NAA15: variants seen among roughly 807,000 people sequenced by gnomAD.
NAA15 encodes the protein N-terminal acetyltransferase.
NAA15 carries 34 observed loss-of-function variants against 114.0 expected under a neutral mutation model. The ratio of observed to expected loss-of-function variants is 0.30; its 90% CI spans 0.23 to 0.40. NAA15 has a LOEUF of 0.40. Ranked by LOEUF, NAA15 falls within the 10% of genes least tolerant of loss-of-function variation. The pLI is 1.00. For synonymous variants in NAA15, 340 were observed against 338.0 expected, an observed-to-expected ratio of 1.01 and a Z score of -0.06; for missense variants, 658 against 1,004.5, an observed-to-expected ratio of 0.66 and a Z score of 4.66.
chr4:139,388,400 A>C lies in NAA15; in HGVS notation c.*316A>C. 1 of 198,886 alleles carries C rather than the reference A, an allele frequency of 5.0e-6. No homozygotes were observed. The highest frequency in any genetic ancestry group is 1.0e-5 in the Non-Finnish European group (1 of 97,034). The allele number at this position is 198,886 out of a possible 1,614,324, so 12.3% of individuals were successfully genotyped here. On this transcript the variant is annotated 3_prime_UTR_variant, in exon 20 of 20. Coordinates refer to ENST00000296543, the MANE Select transcript of NAA15 (RefSeq NM_057175.5). ...ATAAAATCTGGAGGCTGTTACAGCT[A>C]ACAAAGCAGGTGTGTGGCAGAAATA...
intron 4 of NAA15, 23 bp downstream of exon 4, chr4:139,341,092 T>G: frequency 1.4e-6 from 2 of 1,445,268 alleles, no homozygotes; most frequent in Non-Finnish European, 1.8e-6. Context: ...GAGACTTTTT[T>G]TTTTAATTCT....
chr4:139,384,710 G>C (rs1748847032), intron 17 of NAA15, 122 bp from the exon 18 acceptor site: 2 of 540,894 alleles, frequency 3.7e-6, no homozygotes, highest in Non-Finnish European at 5.8e-6. Context: ...AGCCATGGTT[G>C]TGCCACTGTA....
At chr4:139,315,048 T>C (rs542181588) in intron 1 of NAA15, among the ~76,000 whole-genome samples, 2,434 of 108,348 alleles carry the variant, frequency 0.022, 225 homozygotes, top group Admixed American at 0.045. Context: ...TAGGTTAGGT[T>C]AGGTTAGTTT....
At chr4:139,308,020 G>A (rs1746082029) in intron 1 of NAA15, among the ~76,000 whole-genome samples, 1 of 151,962 alleles carries the variant, frequency 6.6e-6, no homozygotes, top group Non-Finnish European at 1.5e-5. Flanking sequence ...GGAGTGTAGT[G>A]GTGCAATCTC....
intron 1 of NAA15, among the ~76,000 whole-genome samples, chr4:139,306,153 A>G (rs922678935): frequency 6.6e-6 from 1 of 152,230 alleles, no homozygotes. Context: ...AAGTTAGTCA[A>G]AATGCTTGCA....
At chr4:139,379,001 T>TTA (rs1748666961) in intron 17 of NAA15, 147 bp downstream of exon 17, 1 of 501,066 alleles carries the variant, frequency 2.0e-6, no homozygotes, top group Admixed American at 4.2e-5. Flanking sequence ...GCTTTTTTCT[T>TTA]TATGATGAAG....
chr4:139,370,405 G>T lies in NAA15; in HGVS notation c.1947+1G>T. 1 of 1,568,092 alleles carries T rather than the reference G, an allele frequency of 6.4e-7. No individual in the cohort carries two copies. Among genetic ancestry groups the T allele is most frequent in the Non-Finnish European group, 8.6e-7 (1 of 1,166,538 alleles). ...ACTTATTCCAGAGAAACTGGCCAAGGTACTTAATAATAGTGTTTAGCACAA... is the reference window on the plus strand; with the variant it reads ...ACTTATTCCAGAGAAACTGGCCAAGTTACTTAATAATAGTGTTTAGCACAA... On this transcript the variant is annotated splice_donor_variant, in intron 15 of 19. Transcript: ENST00000296543. LOFTEE classifies it high-confidence loss of function.
intron 3 of NAA15, 78 bp from the exon 4 acceptor site, chr4:139,340,834 G>T: frequency 1.7e-6 from 2 of 1,152,678 alleles, no homozygotes; most frequent in Non-Finnish European, 1.2e-6. Flanking sequence ...AATGGCTGTG[G>T]TTCTCCAAGT....
At chr4:139,313,700 A>G (rs1281008012) in intron 1 of NAA15, among the ~76,000 whole-genome samples, 1 of 151,656 alleles carries the variant, frequency 6.6e-6, no homozygotes, top group African/African-American at 2.4e-5. Context: ...ATGTGCCTCC[A>G]TGCCCGGCTA....
intron 1 of NAA15, among the ~76,000 whole-genome samples, chr4:139,303,869 A>G (rs1745903724): frequency 6.6e-6 from 1 of 152,228 alleles, no homozygotes; most frequent in Non-Finnish European, 1.5e-5. Flanking sequence ...ATTCTCTAAT[A>G]TTGTCTAATA....
At chr4:139,364,914 C>G (rs868732681) in intron 14 of NAA15, among the ~76,000 whole-genome samples, 3 of 152,032 alleles carry the variant, frequency 2.0e-5, no homozygotes, top group Admixed American at 6.6e-5. Flanking sequence ...ATACCTTTCC[C>G]CCTTATGTCT....
chr4:139,381,338 CTTA>C (rs1313473280), intron 17 of NAA15, among the ~76,000 whole-genome samples: 1 of 151,950 alleles, frequency 6.6e-6, no homozygotes, highest in Non-Finnish European at 1.5e-5. Context: ...TTCTATTTGT[CTTA>C]TTATTTTCTT....
chr4:139,312,689 A>G (rs1350958790), intron 1 of NAA15, among the ~76,000 whole-genome samples: 1 of 151,706 alleles, frequency 6.6e-6, no homozygotes, highest in African/African-American at 2.4e-5. Context: ...GTAAAAAATG[A>G]AAAAGTTACT....
At chr4:139,301,969 A>G in intron 1 of NAA15, 138 bp downstream of exon 1, 2 of 901,922 alleles carry the variant, frequency 2.2e-6, no homozygotes, top group South Asian at 1.7e-5. Flanking sequence ...GGCCGAATGC[A>G]TTGCTTTGCT....
intron 11 of NAA15, 34 bp downstream of exon 11, chr4:139,357,589 A>T (rs771854053): frequency 2.2e-6 from 3 of 1,362,758 alleles, no homozygotes; most frequent in Non-Finnish European, 3.0e-6. Flanking sequence ...CTTATAAGGT[A>T]ATGAGACTTG....
chr4:139,344,056 AT>A, intron 5 of NAA15, 129 bp from the exon 6 acceptor site: 2 of 694,698 alleles, frequency 2.9e-6, no homozygotes, highest in South Asian at 4.8e-5. Context: ...ATACTTAAGA[AT>A]TTTTTAAAAA....
In NAA15 at chr4:139,309,077, G is replaced by A. The variant is rs140015119; in HGVS notation, c.54+7246G>A. Among the ~76,000 whole-genome samples the A allele has an allele frequency of 2.4e-4, 36 of 152,070 alleles. No homozygotes were observed. The East Asian group carries it at 6.6e-3, about 28-fold the overall frequency. On this transcript the variant is annotated intron_variant, in intron 1 of 19. Coordinates refer to ENST00000296543, the MANE Select transcript of NAA15 (RefSeq NM_057175.5). ...AAAAATCGAGTGAGGGCCGGGCACA[G>A]TGGCTCACGCCTGTAATCCCAGCAC...
intron 17 of NAA15, among the ~76,000 whole-genome samples, chr4:139,379,906 A>G (rs1272899192): frequency 6.6e-6 from 1 of 152,118 alleles, no homozygotes; most frequent in Admixed American, 6.6e-5. Flanking sequence ...TTAGCCGGCC[A>G]TGGTGGCACA....
intron 3 of NAA15, among the ~76,000 whole-genome samples, chr4:139,338,388 A>G (rs959087238): frequency 2.0e-5 from 3 of 152,182 alleles, no homozygotes; most frequent in African/African-American, 7.2e-5. Flanking sequence ...AATGTGTAAT[A>G]TTAAATATGT....
Sources: gnomAD v4.1 joint callset for allele counts (sites outside exome capture counted in the v4.1 genomes callset) on GRCh38, gnomAD v4.1.1 for gene constraint, MANE v1.5 for transcripts, NCBI Gene and HGNC (gene_info 2026-07-23, HGNC 2026-07-21) for gene names.